CAMTA1: variants seen among roughly 807,000 people sequenced by gnomAD.
CAMTA1 encodes the protein calmodulin-binding transcription activator 1.
A neutral mutation model predicts 170.9 loss-of-function variants in CAMTA1; 27 were observed. The observed-to-expected ratio is 0.16, with a 90% CI of 0.12 to 0.22. The LOEUF (loss-of-function observed/expected upper bound fraction) is 0.22, where lower values mean the gene tolerates loss of function less well. Among genes scored for constraint, CAMTA1 ranks in the 10% least tolerant of loss-of-function variants. CAMTA1 has a pLI of 1.00. For missense variants in CAMTA1, 1,619 were observed against 2,217.2 expected (o/e 0.73, Z 5.42); for synonymous variants, 833 against 891.5 (o/e 0.93, Z 1.17).
At chr1:7,315,847 C>T (rs532039994) in intron 5 of CAMTA1, among the ~76,000 whole-genome samples, 2 of 152,310 alleles carry the variant, frequency 1.3e-5, no homozygotes, top group South Asian at 2.1e-4. Context: ...TTTCTGCCTT[C>T]ATGCCATCTC....
chr1:6,954,853 C>T (rs1166566138), intron 3 of CAMTA1, among the ~76,000 whole-genome samples: 1 of 152,100 alleles, frequency 6.6e-6, no homozygotes, highest in African/African-American at 2.4e-5. Context: ...CTCTGCTTGC[C>T]TGGGACGGGC....
chr1:6,885,299 G>A (rs1249293334), intron 3 of CAMTA1, among the ~76,000 whole-genome samples: 2 of 152,294 alleles, frequency 1.3e-5, no homozygotes, highest in East Asian at 1.9e-4. Flanking sequence ...GGCATTGTTA[G>A]TATAATTAAT....
At chr1:7,022,838 G>A (rs1278163940) in intron 3 of CAMTA1, among the ~76,000 whole-genome samples, 1 of 152,196 alleles carries the variant, frequency 6.6e-6, no homozygotes. Context: ...TAAACCCATA[G>A]AAATGTTGGA....
intron 5 of CAMTA1, among the ~76,000 whole-genome samples, chr1:7,421,478 A>G (rs541571204): frequency 2.1e-4 from 32 of 152,294 alleles, no homozygotes; most frequent in African/African-American, 7.5e-4. Context: ...TTTTAACCAG[A>G]TAACACTGGA....
At chr1:7,508,232 C>T (rs145578554) in intron 6 of CAMTA1, among the ~76,000 whole-genome samples, 11 of 152,252 alleles carry the variant, frequency 7.2e-5, no homozygotes, top group African/African-American at 9.6e-5. Context: ...CCCGGGCCTC[C>T]GGTGGACCCT....
At chr1:7,760,767 C>T (rs2096968700) in intron 22 of CAMTA1, among the ~76,000 whole-genome samples, 1 of 152,178 alleles carries the variant, frequency 6.6e-6, no homozygotes, top group African/African-American at 2.4e-5. Flanking sequence ...GCTATTGCAG[C>T]TCTCAAAGCA....
intron 3 of CAMTA1, among the ~76,000 whole-genome samples, chr1:6,906,164 C>CT (rs1309017221): frequency 6.6e-6 from 1 of 152,196 alleles, no homozygotes; most frequent in Non-Finnish European, 1.5e-5. Flanking sequence ...GGGATTCCCT[C>CT]TTTCGTGTCA....
intron 6 of CAMTA1, among the ~76,000 whole-genome samples, chr1:7,535,689 C>T (rs769981360): frequency 6.6e-6 from 1 of 152,154 alleles, no homozygotes; most frequent in Non-Finnish European, 1.5e-5. Context: ...CCTCCTGAAC[C>T]TCACCTGGCA....
chr1:6,978,091 C>T (rs1471735879), intron 3 of CAMTA1, among the ~76,000 whole-genome samples: 3 of 151,618 alleles, frequency 2.0e-5, no homozygotes, highest in African/African-American at 4.9e-5. Context: ...GTGGTCAGGG[C>T]GCTGGAGATT....
At chr1:7,716,444 T>G (rs2149724550) in intron 11 of CAMTA1, among the ~76,000 whole-genome samples, 1 of 152,348 alleles carries the variant, frequency 6.6e-6, no homozygotes, top group East Asian at 1.9e-4. Flanking sequence ...TTAAAATATG[T>G]ACATTTCATT....
At position 7,455,763 on chromosome 1, in the gene CAMTA1, C is replaced by T. The variant is rs547074839; in HGVS notation, c.439-12067C>T. On this transcript the variant is annotated intron_variant, in intron 5 of 22. Transcript: ENST00000303635. The surrounding 1 kb of genome is among the most constrained non-coding windows in gnomAD (Gnocchi z 5.0). Reference sequence around the variant, plus strand: ...ATCCCGGCAGTGCCAGCCCCGCAGACGCCTGCCCACAGGAGAAGAGAGCCA... The same window carrying T: ...ATCCCGGCAGTGCCAGCCCCGCAGATGCCTGCCCACAGGAGAAGAGAGCCA... Among the ~76,000 whole-genome samples the T allele has an allele frequency of 1.3e-5, 2 of 152,232 alleles. No individual in the cohort carries two copies. Among genetic ancestry groups the T allele is most frequent in the South Asian group, 2.1e-4 (1 of 4,832 alleles).
In CAMTA1 at chr1:6,817,268, C is replaced by T. The variant is rs193188112; in HGVS notation, c.46-2913C>T. On this transcript the variant is annotated intron_variant, in intron 1 of 22. Transcript: ENST00000303635. ...GATATCTCAAATGGTAATCTTATAC[C>T]GTCAGTTTTTGATAATAGGAAGCCA... 4.6e-5 allele frequency among the ~76,000 whole-genome samples: 7 copies of T among 152,176 alleles called. No individual in the cohort carries two copies. The East Asian group carries it at 5.8e-4, about 13-fold the overall frequency.
Position 7,575,858 on chromosome 1 carries a change from G to A in CAMTA1, c.511-64542G>A, listed in dbSNP as rs75481668. Among the ~76,000 whole-genome samples, 878 of 152,288 alleles carry A rather than the reference G, an allele frequency of 5.8e-3. 8 individuals are homozygous for A. Among genetic ancestry groups the A allele is most frequent in the African/African-American group, 0.02 (840 of 41,542 alleles). On this transcript the variant is annotated intron_variant, in intron 6 of 22. Transcript: ENST00000303635. ...CTCGGAGAAGGAATTTGCACTGCCA[G>A]GCAAGGCCATTCTCAGTGATTTCTG...
intron 5 of CAMTA1, among the ~76,000 whole-genome samples, chr1:7,270,230 T>C (rs12037933): frequency 0.073 from 6,640 of 90,932 alleles, 184 homozygotes; most frequent in East Asian, 0.13. Context: ...TACATATATA[T>C]ACACATATAT....
intron 6 of CAMTA1, among the ~76,000 whole-genome samples, chr1:7,579,380 G>C (rs992681198): frequency 2.0e-5 from 3 of 152,136 alleles, no homozygotes; most frequent in African/African-American, 7.2e-5. Context: ...GCATGGCAGC[G>C]TGGGCTTGGG....
intron 1 of CAMTA1, among the ~76,000 whole-genome samples, chr1:6,789,071 G>A (rs1477202494): frequency 6.6e-6 from 1 of 151,990 alleles, no homozygotes; most frequent in Non-Finnish European, 1.5e-5. Flanking sequence ...TTGTCTTCTT[G>A]GAAACCTTAC....
intron 21 of CAMTA1, among the ~76,000 whole-genome samples, chr1:7,752,925 G>T (rs2096907622): frequency 6.6e-6 from 1 of 152,202 alleles, no homozygotes; most frequent in South Asian, 2.1e-4. Flanking sequence ...ACAGTTTCTA[G>T]TCTCAAGGAA....
intron 3 of CAMTA1, among the ~76,000 whole-genome samples, chr1:6,906,994 A>G (rs945123840): frequency 2.6e-5 from 4 of 152,156 alleles, no homozygotes; most frequent in Non-Finnish European, 4.4e-5. Context: ...GCCCTGTGAC[A>G]TGGCCTTTGT....
intron 3 of CAMTA1, among the ~76,000 whole-genome samples, chr1:6,846,066 G>C (rs1357439461): frequency 6.6e-6 from 1 of 152,152 alleles, no homozygotes; most frequent in Non-Finnish European, 1.5e-5. Context: ...AGAACAATAT[G>C]GGGGAAACAG....
Sources: gnomAD v4.1 joint callset for allele counts (sites outside exome capture counted in the v4.1 genomes callset) on GRCh38, gnomAD v4.1.1 for gene constraint, Gnocchi (gnomAD v3.1) non-coding constraint, MANE v1.5 for transcripts, NCBI Gene and HGNC (gene_info 2026-07-23, HGNC 2026-07-21) for gene names.